The following COTL1 variants were observed in gnomAD, a reference collection of about 807,000 sequenced individuals.
The protein encoded by COTL1 is coactosin like F-actin binding protein 1.
In COTL1, 15 loss-of-function variants were observed where a neutral mutation model predicts 16.5. The ratio of observed to expected loss-of-function variants is 0.91; its 90% confidence interval spans 0.61 to 1.40. The LOEUF (loss-of-function observed/expected upper bound fraction) is 1.40, where lower values mean the gene tolerates loss of function less well. COTL1 is among the 40% of genes most tolerant of loss of function. The probability of loss-of-function intolerance (pLI) is 0.00; values close to 1 mark genes in which losing one functional copy is unlikely to be tolerated. For missense variants in COTL1, 220 were observed against 201.5 expected (o/e 1.09, Z -0.56); for synonymous variants, 112 against 85.3 (o/e 1.31, Z -1.73).
At chr16:84,611,492 T>G (rs2150697218) in intron 2 of COTL1, among the ~76,000 whole-genome samples, 1 of 152,152 alleles carries the variant, frequency 6.6e-6, no homozygotes, top group African/African-American at 2.4e-5. Flanking sequence ...AGAAAACTAT[T>G]TCAAGAATAT....
At chr16:84,582,265 G>A (rs1341551900) in intron 3 of COTL1, among the ~76,000 whole-genome samples, 2 of 151,994 alleles carry the variant, frequency 1.3e-5, no homozygotes, top group African/African-American at 4.8e-5. Context: ...AAAGTGCTGG[G>A]ATTACAGGCA....
chr16:84,576,385 G>A (rs1480752845), intron 3 of COTL1: 1 of 152,194 alleles, frequency 6.6e-6, no homozygotes, highest in African/African-American at 2.4e-5. Context: ...GTGGGGCCCA[G>A]GAGAGGAACT....
chr16:84,573,922 G>A (rs1031252334), intron 3 of COTL1, among the ~76,000 whole-genome samples: 24 of 152,258 alleles, frequency 1.6e-4, no homozygotes, highest in Admixed American at 3.9e-4. Context: ...TTGGGAGGTC[G>A]AGAAGGGAGA....
intron 2 of COTL1, among the ~76,000 whole-genome samples, chr16:84,616,914 T>C (rs952722594): frequency 6.6e-5 from 10 of 152,230 alleles, no homozygotes; most frequent in African/African-American, 2.4e-4. Context: ...TCAGTGGCTA[T>C]CTAGCCCCAA....
At chr16:84,601,123 C>T (rs1905098891) in intron 2 of COTL1, among the ~76,000 whole-genome samples, 2 of 152,172 alleles carry the variant, frequency 1.3e-5, no homozygotes, top group Admixed American at 6.5e-5. Flanking sequence ...GGCTCCCAAT[C>T]ACTGAACAGC....
At chr16:84,582,674 T>A (rs926018512) in intron 3 of COTL1, among the ~76,000 whole-genome samples, 1 of 152,126 alleles carries the variant, frequency 6.6e-6, no homozygotes, top group Non-Finnish European at 1.5e-5. Context: ...GAAATCCGGG[T>A]TTTGAAGGAT....
At chr16:84,611,398 T>C (rs1905320483) in intron 2 of COTL1, among the ~76,000 whole-genome samples, 1 of 152,240 alleles carries the variant, frequency 6.6e-6, no homozygotes, top group East Asian at 1.9e-4. Flanking sequence ...GAGGGGAAGA[T>C]AGGGAAGAAA....
chr16:84,593,565 G>C (rs1485157380), intron 2 of COTL1, among the ~76,000 whole-genome samples: 1 of 150,592 alleles, frequency 6.6e-6, no homozygotes, highest in Non-Finnish European at 1.5e-5. Context: ...AGGCTGGAGT[G>C]CAGTGGCGCG....
chr16:84,613,164 T>C (rs1201913815), intron 2 of COTL1, among the ~76,000 whole-genome samples: 2 of 152,066 alleles, frequency 1.3e-5, no homozygotes, highest in African/African-American at 4.8e-5. Context: ...CATGCCTGGC[T>C]AATTTTTGTA....
At chr16:84,585,492 G>C (rs1904698830) in intron 3 of COTL1, among the ~76,000 whole-genome samples, 2 of 152,144 alleles carry the variant, frequency 1.3e-5, no homozygotes, top group South Asian at 4.1e-4. Context: ...AAAGTCAAGG[G>C]TTTATTAATA....
chr16:84,574,233 C>A (rs1904401318), intron 3 of COTL1, among the ~76,000 whole-genome samples: 1 of 152,206 alleles, frequency 6.6e-6, no homozygotes, highest in African/African-American at 2.4e-5. Flanking sequence ...CAGCAACTTC[C>A]CGGCAGGGCC....
chr16:84,587,391 G>A (rs923799411), intron 3 of COTL1, among the ~76,000 whole-genome samples: 1 of 152,154 alleles, frequency 6.6e-6, no homozygotes, highest in Non-Finnish European at 1.5e-5. Context: ...TCCCGAGATT[G>A]TTTTCTAAAA....
intron 2 of COTL1, among the ~76,000 whole-genome samples, chr16:84,603,036 C>T (rs902760815): frequency 6.6e-6 from 1 of 152,162 alleles, no homozygotes; most frequent in African/African-American, 2.4e-5. Flanking sequence ...GCCTGGAGAC[C>T]AGGGTTCAGG....
chr16:84,582,291 A>C (rs1042219051), intron 3 of COTL1, among the ~76,000 whole-genome samples: 2 of 152,094 alleles, frequency 1.3e-5, no homozygotes, highest in Non-Finnish European at 2.9e-5. Flanking sequence ...CACTGCGCCC[A>C]GCCCATTTCT....
At chr16:84,589,453 G>A (rs1459479707) in intron 3 of COTL1, among the ~76,000 whole-genome samples, 2 of 152,156 alleles carry the variant, frequency 1.3e-5, no homozygotes, top group Admixed American at 6.5e-5. Flanking sequence ...GTTTAAAGGC[G>A]CAGTAAGAGG....
chr16:84,617,761 C>T (rs1281315043), intron 1 of COTL1, 77 bp downstream of exon 1: 13 of 1,462,274 alleles, frequency 8.9e-6, no homozygotes, highest in South Asian at 8.5e-5. Flanking sequence ...ATCCGTCCCG[C>T]CTGGAGGCCG....
At chr16:84,616,305 A>G (rs1315897948) in intron 2 of COTL1, 2 of 152,114 alleles carry the variant, frequency 1.3e-5, no homozygotes, top group African/African-American at 4.8e-5. Context: ...GTTAGAGACC[A>G]GCCTGGCCAA....
intron 3 of COTL1, among the ~76,000 whole-genome samples, chr16:84,584,496 T>G (rs1904672592): frequency 1.3e-5 from 2 of 152,234 alleles, no homozygotes; most frequent in African/African-American, 2.4e-5. Context: ...TGCACCTGTG[T>G]GCCGGCCACA....
At chr16:84,608,901 T>C (rs1905264772) in intron 2 of COTL1, among the ~76,000 whole-genome samples, 1 of 152,102 alleles carries the variant, frequency 6.6e-6, no homozygotes, top group Non-Finnish European at 1.5e-5. Flanking sequence ...CACGACCTTG[T>C]CTCAAAAATT....
Sources: gnomAD v4.1 joint callset for allele counts (sites outside exome capture counted in the v4.1 genomes callset) on GRCh38, gnomAD v4.1.1 for gene constraint, MANE v1.5 for transcripts, NCBI Gene and HGNC (gene_info 2026-07-23, HGNC 2026-07-21) for gene names.